The following TYW1 variants were observed in gnomAD, a reference collection of about 807,000 sequenced individuals.
TYW1 encodes the protein tRNA-yW synthesizing protein 1 homolog, also known as S-adenosyl-L-methionine-dependent tRNA 4-demethylwyosine synthase TYW1.
In TYW1, 46 loss-of-function variants were observed where a neutral mutation model predicts 96.2. That is an observed-to-expected ratio of 0.48 (90% confidence interval 0.38 to 0.61). The LOEUF is 0.61. Among genes scored for constraint, TYW1 ranks in the 20% least tolerant of loss-of-function variants. The pLI, the probability that TYW1 is intolerant of heterozygous loss-of-function variation, is 0.00. For missense variants in TYW1, 684 were observed against 909.6 expected (o/e 0.75, Z 3.19); for synonymous variants, 274 against 323.0 (o/e 0.85, Z 1.63).
chr7:67,080,956 T>TTG (rs1554359911), intron 10 of TYW1, among the ~76,000 whole-genome samples: 8 of 145,294 alleles, frequency 5.5e-5, no homozygotes, highest in African/African-American at 2.1e-4. Flanking sequence ...TTTTTTTTTT[T>TTG]TTTTTTTTTT....
intron 5 of TYW1, 73 bp from the exon 6 acceptor site, chr7:67,017,780 G>T (rs1378860985): frequency 1.3e-6 from 2 of 1,533,100 alleles, no homozygotes; most frequent in Admixed American, 4.2e-5. Context: ...AGGACTTTGG[G>T]CTTTTGCAGA....
intron 15 of TYW1, among the ~76,000 whole-genome samples, chr7:67,216,329 C>T (rs2949121): frequency 0.17 from 20,769 of 120,452 alleles, 5,252 homozygotes; most frequent in African/African-American, 0.31. Flanking sequence ...TTCTCAAAAT[C>T]TTGGCAAAAG....
intron 15 of TYW1, among the ~76,000 whole-genome samples, chr7:67,236,254 C>T (rs1801887409): frequency 6.6e-6 from 1 of 152,212 alleles, no homozygotes; most frequent in African/African-American, 2.4e-5. Flanking sequence ...AGATTTGATA[C>T]TCAGACTTTA....
intron 14 of TYW1, among the ~76,000 whole-genome samples, chr7:67,184,914 A>G (rs3980778): frequency 0.28 from 42,094 of 150,768 alleles, 6,342 homozygotes; most frequent in African/African-American, 0.4. Context: ...CACCATGTTG[A>G]CCAGGCTGGT....
At chr7:67,036,722 A>G (rs1794853805) in intron 7 of TYW1, among the ~76,000 whole-genome samples, 1 of 152,238 alleles carries the variant, frequency 6.6e-6, no homozygotes, top group Non-Finnish European at 1.5e-5. Context: ...TTAGGATTTC[A>G]ATTTGAGATG....
At chr7:67,152,645 A>G (rs906406848) in intron 13 of TYW1, among the ~76,000 whole-genome samples, 4 of 152,090 alleles carry the variant, frequency 2.6e-5, no homozygotes, top group African/African-American at 9.7e-5. Context: ...TCTGTCACCC[A>G]GGCTAGAGTG....
intron 13 of TYW1, among the ~76,000 whole-genome samples, chr7:67,177,873 G>C (rs1799722439): frequency 6.6e-6 from 1 of 151,616 alleles, no homozygotes; most frequent in African/African-American, 2.4e-5. Flanking sequence ...GACAAGTACA[G>C]CTGGGCACGT....
intron 12 of TYW1, among the ~76,000 whole-genome samples, chr7:67,117,109 CAG>C (rs1202284427): frequency 6.6e-6 from 1 of 152,152 alleles, no homozygotes; most frequent in East Asian, 1.9e-4. Flanking sequence ...ATGTGGTTGG[CAG>C]AGTGTGTGGG....
At chr7:67,048,080 G>A (rs78316461) in intron 7 of TYW1, among the ~76,000 whole-genome samples, 25,769 of 57,192 alleles carry the variant, frequency 0.45, 3,385 homozygotes, top group Middle Eastern at 0.54. Context: ...GAGCCAACGT[G>A]CCCAGCCACA....
chr7:67,119,622 G>C (rs373587577), intron 13 of TYW1, among the ~76,000 whole-genome samples: 7 of 152,092 alleles, frequency 4.6e-5, no homozygotes, highest in Admixed American at 1.3e-4. Flanking sequence ...AGTCTTTTCT[G>C]ATTACAATTA....
At chr7:67,128,835 C>T (rs1282418598) in intron 13 of TYW1, among the ~76,000 whole-genome samples, 1 of 151,956 alleles carries the variant, frequency 6.6e-6, no homozygotes, top group Non-Finnish European at 1.5e-5. Context: ...ATTACAGGCA[C>T]CCGCCACCAT....
intron 15 of TYW1, among the ~76,000 whole-genome samples, chr7:67,199,224 T>C (rs927177975): frequency 6.6e-6 from 1 of 151,716 alleles, no homozygotes; most frequent in Non-Finnish European, 1.5e-5. Flanking sequence ...ATAAAAGAAA[T>C]GGTTTTTGTT....
intron 3 of TYW1, among the ~76,000 whole-genome samples, chr7:67,000,386 C>T (rs1321000616): frequency 6.6e-6 from 1 of 151,750 alleles, no homozygotes; most frequent in Non-Finnish European, 1.5e-5. Context: ...ACAACCTCTG[C>T]CTCCTGGGTT....
intron 13 of TYW1, among the ~76,000 whole-genome samples, chr7:67,177,314 G>A (rs78791966): frequency 1.3e-5 from 2 of 151,072 alleles, no homozygotes; most frequent in Admixed American, 6.6e-5. Flanking sequence ...GGAATGATCC[G>A]TTAAAGAGAC....
At chr7:67,210,844 A>G (rs1800986680) in intron 15 of TYW1, among the ~76,000 whole-genome samples, 1 of 148,640 alleles carries the variant, frequency 6.7e-6, no homozygotes, top group African/African-American at 2.5e-5. Context: ...CCATCTATCA[A>G]TCCATCCATC....
At chr7:67,049,840 C>G (rs1160714019) in intron 7 of TYW1, 109 bp from the exon 8 acceptor site, 1 of 1,375,216 alleles carries the variant, frequency 7.3e-7, no homozygotes, top group Non-Finnish European at 1.0e-6. Context: ...AGCCACCGTG[C>G]CCGGCCTCAT....
chr7:67,219,549 G>A (rs1003197151), intron 15 of TYW1, among the ~76,000 whole-genome samples: 8 of 152,156 alleles, frequency 5.3e-5, no homozygotes, highest in African/African-American at 1.9e-4. Context: ...TTAAATTACT[G>A]ATTTAATCTC....
At chr7:67,238,070 GGGCCCAGCAAAACT>G (rs1174352454) in intron 15 of TYW1, among the ~76,000 whole-genome samples, 1 of 151,416 alleles carries the variant, frequency 6.6e-6, no homozygotes, top group East Asian at 1.9e-4. Flanking sequence ...CTTGTCTTCC[GGGCCCAGCAAAACT>G]GCAGGCCCAA....
intron 10 of TYW1, among the ~76,000 whole-genome samples, chr7:67,075,011 T>TG (rs1275138390): frequency 6.6e-6 from 1 of 152,176 alleles, no homozygotes; most frequent in Non-Finnish European, 1.5e-5. Context: ...TTTTAATAAC[T>TG]GGGATTACAG....
Sources: gnomAD v4.1 joint callset for allele counts (sites outside exome capture counted in the v4.1 genomes callset) on GRCh38, gnomAD v4.1.1 for gene constraint, MANE v1.5 for transcripts, NCBI Gene and HGNC (gene_info 2026-07-23, HGNC 2026-07-21) for gene names.